DOCK4: variants seen among roughly 807,000 people sequenced by gnomAD.
DOCK4 encodes dedicator of cytokinesis 4.
A neutral mutation model predicts 268.1 loss-of-function variants in DOCK4; 97 were observed. The observed-to-expected ratio is 0.36, with a 90% CI of 0.31 to 0.43. DOCK4 has a LOEUF of 0.43. DOCK4 is among the 20% of genes least tolerant of loss of function. The probability of loss-of-function intolerance (pLI) is 1.00; values close to 1 mark genes in which losing one functional copy is unlikely to be tolerated. For missense variants in DOCK4, 2,145 were observed against 2,455.7 expected (o/e 0.87, Z 2.67); for synonymous variants, 954 against 887.2 (o/e 1.08, Z -1.34).
At chr7:111,794,366 A>G (rs1339611010) in intron 30 of DOCK4, among the ~76,000 whole-genome samples, 1 of 152,182 alleles carries the variant, frequency 6.6e-6, no homozygotes, top group Non-Finnish European at 1.5e-5. Context: ...GAGATGTACT[A>G]TTTCAGAACT....
intron 13 of DOCK4, among the ~76,000 whole-genome samples, chr7:111,907,612 A>T (rs1172597187): frequency 6.6e-6 from 1 of 152,126 alleles, no homozygotes; most frequent in Non-Finnish European, 1.5e-5. Flanking sequence ...TTGGTTAAAG[A>T]CCACCATCTC....
At chr7:112,119,791 C>A (rs1017759676) in intron 1 of DOCK4, among the ~76,000 whole-genome samples, 15 of 151,710 alleles carry the variant, frequency 9.9e-5, no homozygotes, top group African/African-American at 3.4e-4. Flanking sequence ...AAGGATTATA[C>A]AAAGGCAGGA....
intron 24 of DOCK4, 93 bp downstream of exon 24, chr7:111,846,906 T>C: frequency 1.4e-6 from 2 of 1,399,056 alleles, no homozygotes; most frequent in Non-Finnish European, 1.9e-6. Flanking sequence ...CTCAGAGGCT[T>C]CCTCTTTAGT....
chr7:111,919,033 G>A (rs1212414003), intron 12 of DOCK4, among the ~76,000 whole-genome samples: 1 of 152,078 alleles, frequency 6.6e-6, no homozygotes, highest in Non-Finnish European at 1.5e-5. Flanking sequence ...ATAGAAGTTG[G>A]AGAGAGAAAA....
intron 1 of DOCK4, among the ~76,000 whole-genome samples, chr7:112,132,455 T>G (rs1246736365): frequency 2.6e-5 from 4 of 152,120 alleles, no homozygotes; most frequent in African/African-American, 9.7e-5. Context: ...ACACAAAGGA[T>G]GCAATGTTAA....
chr7:112,198,067 T>G (rs1047225237), intron 1 of DOCK4, among the ~76,000 whole-genome samples: 1 of 150,710 alleles, frequency 6.6e-6, no homozygotes, highest in African/African-American at 2.4e-5. Flanking sequence ...CTGCTATAAA[T>G]CACGTTTATA....
intron 1 of DOCK4, among the ~76,000 whole-genome samples, chr7:112,089,480 A>C (rs1809425140): frequency 6.6e-6 from 1 of 152,182 alleles, no homozygotes; most frequent in Non-Finnish European, 1.5e-5. Context: ...CCTTTCAAGG[A>C]TATACAACTT....
intron 39 of DOCK4, among the ~76,000 whole-genome samples, chr7:111,763,728 G>A (rs1249911545): frequency 1.9e-5 from 2 of 106,598 alleles, no homozygotes; most frequent in Non-Finnish European, 4.3e-5. Flanking sequence ...TATAGCTCTA[G>A]ACTGTCTGCT....
chr7:111,808,809 T>A lies in DOCK4; in HGVS notation c.3166+12A>T. ...CTGTATAGTAGATGTGGCTTCTCTT[T>A]TCCTCACTTACCTAGGTTTTGCCAC... On this transcript the variant is annotated intron_variant, in intron 30 of 52. Transcript: ENST00000428084. 1.2e-6 allele frequency: 2 copies of A among 1,610,620 alleles called. No individual in the cohort carries two copies. Among genetic ancestry groups the A allele is most frequent in the Non-Finnish European group, 1.7e-6 (2 of 1,178,338 alleles).
intron 1 of DOCK4, among the ~76,000 whole-genome samples, chr7:112,138,183 A>G (rs1814544414): frequency 6.6e-6 from 1 of 152,172 alleles, no homozygotes; most frequent in African/African-American, 2.4e-5. Flanking sequence ...TCTAAAGACA[A>G]TGATTTTACT....
At chr7:111,849,592 A>G (rs1804386014) in intron 23 of DOCK4, among the ~76,000 whole-genome samples, 1 of 152,104 alleles carries the variant, frequency 6.6e-6, no homozygotes. Flanking sequence ...CTTTTCTCCA[A>G]TATCTGATGA....
chr7:112,090,607 G>C (rs141614258), intron 1 of DOCK4, among the ~76,000 whole-genome samples: 1 of 152,152 alleles, frequency 6.6e-6, no homozygotes, highest in African/African-American at 2.4e-5. Context: ...AATTGGTTAG[G>C]TTTTGAAAAG....
At chr7:112,171,752 C>A (rs1427527815) in intron 1 of DOCK4, among the ~76,000 whole-genome samples, 3 of 152,224 alleles carry the variant, frequency 2.0e-5, no homozygotes, top group African/African-American at 7.2e-5. Context: ...TCAAACAATT[C>A]TTCTAGCTGC....
At chr7:112,196,546 A>C (rs1820463595) in intron 1 of DOCK4, among the ~76,000 whole-genome samples, 1 of 152,120 alleles carries the variant, frequency 6.6e-6, no homozygotes, top group African/African-American at 2.4e-5. Flanking sequence ...AACAGAATTA[A>C]AAAGATGGGG....
chr7:111,918,812 T>C (rs973529272), intron 12 of DOCK4, among the ~76,000 whole-genome samples: 4 of 152,226 alleles, frequency 2.6e-5, no homozygotes, highest in African/African-American at 9.6e-5. Flanking sequence ...AATCCTGACG[T>C]ACTATATGAG....
intron 1 of DOCK4, among the ~76,000 whole-genome samples, chr7:112,029,657 C>G (rs1287684933): frequency 1.3e-5 from 2 of 152,174 alleles, no homozygotes; most frequent in African/African-American, 4.8e-5. Flanking sequence ...CACTCTTGAA[C>G]TTACATGGAA....
chr7:111,762,331 T>C (rs372273734), intron 39 of DOCK4, among the ~76,000 whole-genome samples: 32 of 152,340 alleles, frequency 2.1e-4, no homozygotes, highest in African/African-American at 7.5e-4. Context: ...AATCTTTTCA[T>C]CATGTCAAAA....
chr7:111,770,483 T>C (rs1265650462), intron 36 of DOCK4, among the ~76,000 whole-genome samples: 1 of 152,146 alleles, frequency 6.6e-6, no homozygotes, highest in Non-Finnish European at 1.5e-5. Context: ...TGATTTTCCA[T>C]ATACACATAA....
chr7:111,844,951 A>G lies in DOCK4; in HGVS notation c.2602-54T>C. ...GAAACTGGGGTTTAACATGCATTTC[A>G]ATCTAACAGAAAAGGGGAAATCAAA... On this transcript the variant is annotated intron_variant, in intron 24 of 52. Coordinates refer to ENST00000428084, the MANE Select transcript of DOCK4 (RefSeq NM_001363540.2). The G allele has an allele frequency of 7.1e-6, 11 of 1,552,866 alleles. No homozygotes were observed. In the South Asian group the frequency reaches 1.2e-4, roughly 17 times the overall value.
Sources: gnomAD v4.1 joint callset for allele counts (sites outside exome capture counted in the v4.1 genomes callset) on GRCh38, gnomAD v4.1.1 for gene constraint, MANE v1.5 for transcripts, NCBI Gene and HGNC (gene_info 2026-07-23, HGNC 2026-07-21) for gene names.